Variants in RBMS3 observed in about 807,000 individuals in gnomAD.
RBMS3 encodes RNA-binding motif, single-stranded-interacting protein 3.
RBMS3 carries 27 observed loss-of-function variants against 66.8 expected under a neutral mutation model. That is an observed-to-expected ratio of 0.40 (90% CI 0.30 to 0.56). The LOEUF (loss-of-function observed/expected upper bound fraction) is 0.56. RBMS3 is among the 20% of genes least tolerant of loss of function. RBMS3 has a pLI of 0.40. For missense variants in RBMS3, 513 were observed against 549.5 expected (o/e 0.93, Z 0.66); for synonymous variants, 188 against 183.0 (o/e 1.03, Z -0.22).
chr3:29,828,842 C>T (rs1343379712), intron 6 of RBMS3, among the ~76,000 whole-genome samples: 1 of 152,044 alleles, frequency 6.6e-6, no homozygotes, highest in African/African-American at 2.4e-5. Context: ...GCATTCCTGG[C>T]AATCAATTTG....
At chr3:29,710,299 C>T (rs1045602627) in intron 4 of RBMS3, among the ~76,000 whole-genome samples, 4 of 152,088 alleles carry the variant, frequency 2.6e-5, no homozygotes, top group East Asian at 3.9e-4. Flanking sequence ...TCTCCTTCTC[C>T]TCTATGTCAA....
At chr3:29,757,076 G>T (rs2055450030) in intron 5 of RBMS3, among the ~76,000 whole-genome samples, 1 of 152,092 alleles carries the variant, frequency 6.6e-6, no homozygotes, top group African/African-American at 2.4e-5. Flanking sequence ...GAGAGGGTGG[G>T]GATGAAAGTT....
intron 5 of RBMS3, among the ~76,000 whole-genome samples, chr3:29,756,373 T>G (rs905843604): frequency 3.3e-5 from 5 of 152,090 alleles, no homozygotes; most frequent in Non-Finnish European, 5.9e-5. Flanking sequence ...CTGAGTAATT[T>G]ATAAAGAAAA....
chr3:29,723,074 C>T (rs2053712174), intron 4 of RBMS3, among the ~76,000 whole-genome samples: 1 of 152,076 alleles, frequency 6.6e-6, no homozygotes, highest in Non-Finnish European at 1.5e-5. Flanking sequence ...CTCCCAGGTT[C>T]AAGTGATTCT....
intron 4 of RBMS3, among the ~76,000 whole-genome samples, chr3:29,691,948 T>TC (rs374369442): frequency 3.5e-5 from 4 of 115,010 alleles, no homozygotes; most frequent in African/African-American, 1.5e-4. Flanking sequence ...TCTCTCTCTC[T>TC]ATTTTTTTTT....
chr3:29,877,936 G>A (rs2059647757), intron 7 of RBMS3, among the ~76,000 whole-genome samples: 1 of 152,100 alleles, frequency 6.6e-6, no homozygotes, highest in African/African-American at 2.4e-5. Context: ...TTGGCTTAAT[G>A]TTGGCCATCT....
chr3:29,516,682 T>C (rs367905993), intron 3 of RBMS3, among the ~76,000 whole-genome samples: 2 of 152,032 alleles, frequency 1.3e-5, no homozygotes, highest in African/African-American at 4.8e-5. Flanking sequence ...CCTCCTAAAG[T>C]GTTGGGATTA....
At chr3:29,997,815 C>A (rs916127604) in intron 14 of RBMS3, among the ~76,000 whole-genome samples, 3 of 152,084 alleles carry the variant, frequency 2.0e-5, no homozygotes, top group Admixed American at 1.3e-4. Context: ...CAATATCATA[C>A]TGAATGGGCA....
At chr3:29,802,917 T>C (rs1213593932) in intron 6 of RBMS3, among the ~76,000 whole-genome samples, 1 of 152,182 alleles carries the variant, frequency 6.6e-6, no homozygotes, top group Non-Finnish European at 1.5e-5. Flanking sequence ...GCACTCTGAA[T>C]GGTGAATACT....
chr3:29,363,173 C>T (rs1260212582), intron 1 of RBMS3, among the ~76,000 whole-genome samples: 3 of 152,168 alleles, frequency 2.0e-5, no homozygotes, highest in Admixed American at 6.5e-5. Flanking sequence ...TGCCTTATTA[C>T]AATCCTTCAG....
chr3:29,412,898 C>T (rs888939247), intron 1 of RBMS3, among the ~76,000 whole-genome samples: 12 of 152,086 alleles, frequency 7.9e-5, no homozygotes, highest in African/African-American at 2.9e-4. Flanking sequence ...TACTGGGGAA[C>T]CAGGAGGAAG....
intron 6 of RBMS3, among the ~76,000 whole-genome samples, chr3:29,786,279 A>C (rs188361515): frequency 1.3e-5 from 2 of 152,220 alleles, no homozygotes; most frequent in East Asian, 1.9e-4. Context: ...CCATGTAAAA[A>C]TTCAGTGCAA....
intron 10 of RBMS3, among the ~76,000 whole-genome samples, chr3:29,910,478 A>C (rs376758924): frequency 1.3e-5 from 2 of 152,282 alleles, no homozygotes; most frequent in East Asian, 1.9e-4. Context: ...AGTATTCTCA[A>C]ATGTGAAGAG....
At chr3:29,625,697 A>AAAGTAAGTAAGT (rs201650644) in intron 4 of RBMS3, among the ~76,000 whole-genome samples, 7,564 of 124,954 alleles carry the variant, frequency 0.061, 417 homozygotes, top group East Asian at 0.34. Flanking sequence ...AAACGCCATT[A>AAAGTAAGTAAGT]AAGTAAATAA....
chr3:29,423,368 T>G (rs1393125097), intron 1 of RBMS3, among the ~76,000 whole-genome samples: 4 of 152,234 alleles, frequency 2.6e-5, no homozygotes, highest in Admixed American at 2.6e-4. Flanking sequence ...ATATTTTTAC[T>G]TCCTACAAAT....
rs77780161 is a variant in RBMS3 at position 29,885,887 on chromosome 3, G to T, written c.791+1679G>T. On this transcript the variant is annotated intron_variant, in intron 8 of 14. Transcript: ENST00000383767. ...TGCCCAAGGCTCTATGCCAAGGATT[G>T]GGGATGCAGCAGTGACCCAGACATA... Among the ~76,000 whole-genome samples the T allele has an allele frequency of 9.6e-3, 1,459 of 151,832 alleles. 23 individuals are homozygous for T. Among genetic ancestry groups the T allele is most frequent in the African/African-American group, 0.034 (1,391 of 41,486 alleles).
At chr3:29,552,839 T>C (rs2046221188) in intron 3 of RBMS3, among the ~76,000 whole-genome samples, 1 of 152,158 alleles carries the variant, frequency 6.6e-6, no homozygotes, top group Non-Finnish European at 1.5e-5. Context: ...GTAAAATGTA[T>C]CTCTAGGTAG....
chr3:29,781,486 G>T (rs988559812), intron 6 of RBMS3, among the ~76,000 whole-genome samples: 20 of 152,198 alleles, frequency 1.3e-4, no homozygotes, highest in African/African-American at 4.8e-4. Flanking sequence ...AATTGAATAT[G>T]ATAAAATGCC....
At position 29,556,744 on chromosome 3, in the gene RBMS3, A is replaced by G. The variant is rs187371254; in HGVS notation, c.308-30370A>G. ...GAGTGTATTTCTGTTTCCAATTGCT[A>G]GCACCTGTGACTGTTCTTCCTAGGG... On this transcript the variant is annotated intron_variant, in intron 3 of 14. Transcript: ENST00000383767. Among the ~76,000 whole-genome samples the G allele has an allele frequency of 6.0e-3, 909 of 152,204 alleles. 10 individuals carry two copies. The highest frequency in any genetic ancestry group is 0.021 in the African/African-American group (869 of 41,558).
Sources: allele counts gnomAD v4.1 joint callset (sites outside exome capture counted in the v4.1 genomes callset), GRCh38; gene constraint gnomAD v4.1.1; transcripts MANE v1.5; gene names NCBI Gene and HGNC (gene_info 2026-07-23, HGNC 2026-07-21).